The following RBFOX1 variants were observed in gnomAD, a reference collection of about 807,000 sequenced individuals.
RBFOX1 encodes the protein RNA binding protein fox-1 homolog 1.
A neutral mutation model predicts 57.7 loss-of-function variants in RBFOX1; 8 were observed. That is an observed-to-expected ratio of 0.14 (90% CI 0.08 to 0.25). The LOEUF (loss-of-function observed/expected upper bound fraction) is 0.25. Among genes scored for constraint, RBFOX1 ranks in the 10% least tolerant of loss-of-function variants. The pLI is 1.00. For synonymous variants in RBFOX1, 326 were observed against 222.4 expected (o/e 1.47, Z -4.15); for missense variants, 611 against 548.5 (o/e 1.11, Z -1.14).
At chr16:5,474,595 A>C (rs2069253957) in intron 2 of RBFOX1, among the ~76,000 whole-genome samples, 2 of 152,044 alleles carry the variant, frequency 1.3e-5, no homozygotes, top group African/African-American at 4.8e-5. Flanking sequence ...CAGAGGTTGC[A>C]GTGAGCTGAG....
At chr16:5,894,885 G>C (rs1227361855) in intron 4 of RBFOX1, among the ~76,000 whole-genome samples, 1 of 138,432 alleles carries the variant, frequency 7.2e-6, no homozygotes, top group Non-Finnish European at 1.6e-5. Flanking sequence ...AGCTACGCAT[G>C]GTGGCAGGTG....
intron 3 of RBFOX1, among the ~76,000 whole-genome samples, chr16:6,792,052 T>C (rs1159972802): frequency 6.6e-6 from 1 of 152,180 alleles, no homozygotes; most frequent in African/African-American, 2.4e-5. Flanking sequence ...GAATTGCGTT[T>C]CACGAACTAT....
rs146283156 is a variant in RBFOX1, at chr16:6,899,385, C to T, written c.-15-152672C>T. ...TTCTTCTTCCCTAGGCATTAAGGCC[C>T]TCTTGGCTCAAAATTTTCATGAAGC... On this transcript the variant is annotated intron_variant, in intron 3 of 15. Transcript: ENST00000550418. Among the ~76,000 whole-genome samples the T allele has an allele frequency of 4.6e-3, 698 of 152,300 alleles. 5 individuals are homozygous for T. The highest frequency in any genetic ancestry group is 0.016 in the African/African-American group (670 of 41,566).
intron 1 of RBFOX1, among the ~76,000 whole-genome samples, chr16:6,259,375 G>A (rs1357218977): frequency 6.6e-6 from 1 of 152,070 alleles, no homozygotes; most frequent in Non-Finnish European, 1.5e-5. Flanking sequence ...ACTTCATCAG[G>A]ACTCACAGCC....
intron 15 of RBFOX1, 84 bp downstream of exon 15, chr16:7,709,215 C>T (rs1369134100): frequency 7.8e-7 from 1 of 1,278,338 alleles, no homozygotes; most frequent in Middle Eastern, 1.9e-4. Flanking sequence ...GGTTGACGTC[C>T]TCTCACTTCC....
At chr16:5,392,005 A>G (rs1033829339) in intron 1 of RBFOX1, among the ~76,000 whole-genome samples, 1 of 152,076 alleles carries the variant, frequency 6.6e-6, no homozygotes, top group Non-Finnish European at 1.5e-5. Flanking sequence ...AATTTGAGAC[A>G]TTATTCTAAG....
chr16:6,428,309 A>T (rs926874296), intron 2 of RBFOX1, among the ~76,000 whole-genome samples: 158 of 150,944 alleles, frequency 1.0e-3, no homozygotes, highest in African/African-American at 3.6e-3. Flanking sequence ...AAAAAAAAAA[A>T]GTGCTCGATG....
intron 3 of RBFOX1, among the ~76,000 whole-genome samples, chr16:5,770,087 G>A (rs544054371): frequency 1.3e-5 from 2 of 152,280 alleles, no homozygotes; most frequent in Admixed American, 6.5e-5. Context: ...GAGTAGTTTG[G>A]GTGATTACGG....
intron 4 of RBFOX1, among the ~76,000 whole-genome samples, chr16:7,075,114 C>T (rs1203024400): frequency 6.6e-6 from 1 of 152,196 alleles, no homozygotes; most frequent in Non-Finnish European, 1.5e-5. Context: ...GAAATGTGTA[C>T]TCATGGGGCT....
At chr16:7,050,299 C>T (rs745872130) in intron 3 of RBFOX1, among the ~76,000 whole-genome samples, 5 of 126,836 alleles carry the variant, frequency 3.9e-5, no homozygotes, top group East Asian at 2.4e-4. Flanking sequence ...GAGTTTCACT[C>T]TTGTTGCCCA....
At chr16:5,908,752 C>G (rs997500382) in intron 4 of RBFOX1, among the ~76,000 whole-genome samples, 3 of 152,208 alleles carry the variant, frequency 2.0e-5, no homozygotes, top group East Asian at 1.9e-4. Context: ...ATGTTTGTGT[C>G]CCACCATCCT....
intron 3 of RBFOX1, among the ~76,000 whole-genome samples, chr16:6,679,653 TTTAAAACA>T (rs1326112280): frequency 6.6e-6 from 1 of 152,162 alleles, no homozygotes; most frequent in East Asian, 1.9e-4. Context: ...TGCTCAAAAC[TTTAAAACA>T]CCTGTATAAA....
intron 3 of RBFOX1, among the ~76,000 whole-genome samples, chr16:5,694,613 G>T (rs1238341749): frequency 1.3e-5 from 2 of 152,018 alleles, no homozygotes; most frequent in Non-Finnish European, 1.5e-5. Context: ...CTAGGGTTTG[G>T]GTTATGTCTG....
rs1348109464 is a variant in RBFOX1 at position 5,398,569 on chromosome 16, TGTG to T, written c.220-68646_220-68644del. On this transcript the variant is annotated intron_variant, in intron 1 of 2. Transcript: ENST00000585867. ...ACGAGTTCGTGTGTGCATCTGTACG[TGTG>T]TGTGTGTGTGTGTGTGTTGGGAAGG... 1.9e-3 allele frequency among the ~76,000 whole-genome samples: 269 copies of T among 140,054 alleles called. 1 individual carries two copies. The highest frequency in any genetic ancestry group is 6.6e-3 in the African/African-American group (257 of 39,110). 91.9% of individuals were successfully genotyped at this position (140,054 alleles called of 152,430 possible). A position where few individuals can be genotyped will look rare whatever the true frequency, so the allele number is the denominator to read the frequency against.
intron 3 of RBFOX1, among the ~76,000 whole-genome samples, chr16:5,834,302 C>T (rs1429756596): frequency 5.9e-5 from 9 of 152,108 alleles, no homozygotes; most frequent in Admixed American, 5.2e-4. Flanking sequence ...ACTCTGTATA[C>T]CCCTGGGTAC....
intron 4 of RBFOX1, among the ~76,000 whole-genome samples, chr16:7,433,828 T>C (rs949854227): frequency 9.0e-5 from 13 of 144,806 alleles, no homozygotes; most frequent in Middle Eastern, 3.4e-3. Flanking sequence ...AAAATACTTA[T>C]TTAACACCTG....
At chr16:5,817,404 G>A (rs920979157) in intron 3 of RBFOX1, among the ~76,000 whole-genome samples, 1 of 152,190 alleles carries the variant, frequency 6.6e-6, no homozygotes, top group Non-Finnish European at 1.5e-5. Context: ...GTTTCAGGTA[G>A]TTGCATTTTT....
In RBFOX1 at chr16:6,335,776, C is replaced by CAA. The variant is rs57151962; in HGVS notation, c.-64+18732_-64+18733dup. Among the ~76,000 whole-genome samples the CAA allele has an allele frequency of 5.0e-3, 253 of 50,884 alleles. 3 individuals are homozygous for CAA. Among genetic ancestry groups the CAA allele is most frequent in the African/African-American group, 0.013 (239 of 17,820 alleles). 33.4% of individuals were successfully genotyped at this position (50,884 alleles called of 152,430 possible). On this transcript the variant is annotated intron_variant, in intron 2 of 15. Coordinates refer to ENST00000550418, the MANE Select transcript of RBFOX1 (RefSeq NM_018723.4). Reference sequence around the variant, plus strand: ...CTGGGGGATACAGCAAGACTGTCTCCAAAAAAAAAAAAAAGAAAAAAAAAA... The same window carrying CAA: ...CTGGGGGATACAGCAAGACTGTCTCCAAAAAAAAAAAAAAAAGAAAAAAAAAA...
chr16:6,571,544 G>A lies in RBFOX1; in HGVS notation c.-63-83059G>A, dbSNP rs540778319. Reference sequence around the variant, plus strand: ...AAGGGGTTTGTGTGCTGGGGTAGTCGGGGAGAGAGGAGAGGATTTGATGGA... The same window carrying A: ...AAGGGGTTTGTGTGCTGGGGTAGTCAGGGAGAGAGGAGAGGATTTGATGGA... On this transcript the variant is annotated intron_variant, in intron 2 of 15. Transcript: ENST00000550418. Among the ~76,000 whole-genome samples, 6 of 150,220 alleles carry A rather than the reference G, an allele frequency of 4.0e-5. No individual in the cohort carries two copies. In the East Asian group the frequency reaches 9.7e-4, roughly 24 times the overall value.
Sources: allele counts gnomAD v4.1 joint callset (sites outside exome capture counted in the v4.1 genomes callset), GRCh38; gene constraint gnomAD v4.1.1; transcripts MANE v1.5; gene names NCBI Gene and HGNC (gene_info 2026-07-23, HGNC 2026-07-21).